Variants in CCDC91 observed in about 807,000 individuals in gnomAD.
CCDC91 encodes coiled-coil domain-containing protein 91.
CCDC91 carries 48 observed loss-of-function variants against 63.2 expected under a neutral mutation model. The ratio of observed to expected loss-of-function variants is 0.76; its 90% CI spans 0.60 to 0.97. The LOEUF (loss-of-function observed/expected upper bound fraction) is 0.97, where lower values mean the gene tolerates loss of function less well. Ranked by LOEUF, CCDC91 falls within the 50% of genes least tolerant of loss-of-function variation. The pLI is 0.00. For missense variants in CCDC91, 500 were observed against 494.6 expected (o/e 1.01, Z -0.10); for synonymous variants, 167 against 165.8 (o/e 1.01, Z -0.06).
chr12:28,340,690 C>T (rs1942350559), intron 6 of CCDC91, among the ~76,000 whole-genome samples: 1 of 152,104 alleles, frequency 6.6e-6, no homozygotes, highest in African/African-American at 2.4e-5. Context: ...TACAGATGGG[C>T]AGGTTGTGGG....
intron 3 of CCDC91, among the ~76,000 whole-genome samples, chr12:28,291,479 A>G (rs1949246184): frequency 6.6e-6 from 1 of 152,124 alleles, no homozygotes; most frequent in Non-Finnish European, 1.5e-5. Context: ...CATACTTCTC[A>G]GATGTAGTGG....
At chr12:28,330,289 CTT>C (rs534718542) in intron 6 of CCDC91, among the ~76,000 whole-genome samples, 325 of 152,218 alleles carry the variant, frequency 2.1e-3, no homozygotes, top group African/African-American at 7.6e-3. Context: ...TGTTTCCTGA[CTT>C]TTTAATGATC....
chr12:28,284,402 C>G (rs909714186), intron 3 of CCDC91, among the ~76,000 whole-genome samples: 1 of 152,024 alleles, frequency 6.6e-6, no homozygotes, highest in South Asian at 2.1e-4. Flanking sequence ...CCTGTAATCC[C>G]GGCACTTTGG....
intron 1 of CCDC91, among the ~76,000 whole-genome samples, chr12:28,202,798 T>A (rs564694602): frequency 6.6e-6 from 1 of 152,354 alleles, no homozygotes; most frequent in African/African-American, 2.4e-5. Flanking sequence ...CTTATCAAAA[T>A]CCCCTATTGA....
chr12:28,200,921 C>T (rs1942201693), intron 1 of CCDC91, among the ~76,000 whole-genome samples: 1 of 150,914 alleles, frequency 6.6e-6, no homozygotes, highest in Non-Finnish European at 1.5e-5. Flanking sequence ...CGCCACCTCC[C>T]TTCCGGACGG....
intron 12 of CCDC91, among the ~76,000 whole-genome samples, chr12:28,546,940 A>C (rs1244271310): frequency 1.3e-5 from 2 of 152,104 alleles, no homozygotes; most frequent in Non-Finnish European, 2.9e-5. Context: ...AACAACAAAA[A>C]AGTTAGAATA....
At chr12:28,195,888 T>C (rs531517010) in intron 1 of CCDC91, among the ~76,000 whole-genome samples, 150 of 152,294 alleles carry the variant, frequency 9.8e-4, no homozygotes, top group African/African-American at 3.2e-3. Flanking sequence ...GAGGATCGCT[T>C]GAGCCCAGGA....
intron 10 of CCDC91, among the ~76,000 whole-genome samples, chr12:28,451,335 A>T (rs762823245): frequency 1.3e-4 from 20 of 151,674 alleles, no homozygotes; most frequent in Non-Finnish European, 2.4e-4. Flanking sequence ...GGAAAGAAAT[A>T]GACAAATTCT....
intron 1 of CCDC91, among the ~76,000 whole-genome samples, chr12:28,210,575 T>C (rs1461171998): frequency 6.6e-6 from 1 of 152,196 alleles, no homozygotes; most frequent in Non-Finnish European, 1.5e-5. Context: ...CCTCCTGTTT[T>C]TCCCAAGGAG....
chr12:28,462,368 A>T (rs566356859), intron 11 of CCDC91, among the ~76,000 whole-genome samples: 1 of 152,220 alleles, frequency 6.6e-6, no homozygotes, highest in African/African-American at 2.4e-5. Flanking sequence ...TTCAATTTTT[A>T]TATATTATCT....
chr12:28,273,161 A>G (rs1947903864), intron 3 of CCDC91, among the ~76,000 whole-genome samples: 1 of 152,080 alleles, frequency 6.6e-6, no homozygotes, highest in Admixed American at 6.6e-5. Context: ...CCTACAAAGG[A>G]CATGAACTCA....
At chr12:28,323,127 TAACTC>T (rs1185588589) in intron 6 of CCDC91, among the ~76,000 whole-genome samples, 2 of 151,454 alleles carry the variant, frequency 1.3e-5, no homozygotes, top group Non-Finnish European at 3.0e-5. Context: ...TTTAAAAAAT[TAACTC>T]TAGTAAATTT....
intron 11 of CCDC91, among the ~76,000 whole-genome samples, chr12:28,457,791 T>C (rs748957431): frequency 1.3e-5 from 2 of 152,062 alleles, no homozygotes; most frequent in South Asian, 2.1e-4. Flanking sequence ...CCCTGGCTTA[T>C]TGATTTTCAT....
At chr12:28,200,340 T>C (rs1429494920) in intron 1 of CCDC91, among the ~76,000 whole-genome samples, 1 of 149,480 alleles carries the variant, frequency 6.7e-6, no homozygotes, top group Non-Finnish European at 1.5e-5. Flanking sequence ...AGAGGGGGAT[T>C]TGGCAGGGTC....
intron 7 of CCDC91, among the ~76,000 whole-genome samples, chr12:28,363,640 T>G (rs1350620079): frequency 1.3e-5 from 2 of 152,126 alleles, no homozygotes; most frequent in African/African-American, 4.8e-5. Flanking sequence ...TCCCAGCACT[T>G]CGGGAGGCCG....
At chr12:28,199,944 T>C (rs531117293) in intron 1 of CCDC91, among the ~76,000 whole-genome samples, 1 of 139,880 alleles carries the variant, frequency 7.1e-6, no homozygotes, top group African/African-American at 2.7e-5. Context: ...CTACTTTGAG[T>C]TTATTGAGCT....
At position 28,334,040 on chromosome 12, in the gene CCDC91, ATG is replaced by A. The variant is rs148910206; in HGVS notation, c.576+26311_576+26312del. ...ATTGAAACGACTTCTGGCAGAATTT[ATG>A]TGTGTGTGTGTGTGTGTGTATGTGT... On this transcript the variant is annotated intron_variant, in intron 6 of 12. Coordinates refer to ENST00000536442, the MANE Select transcript of CCDC91 (RefSeq NM_018318.5). Among the ~76,000 whole-genome samples the A allele has an allele frequency of 8.6e-3, 1,269 of 148,048 alleles. 22 individuals are homozygous for A. Among genetic ancestry groups the A allele is most frequent in the African/African-American group, 0.029 (1,179 of 40,628 alleles).
Position 28,290,892 on chromosome 12 carries a change from T to G in CCDC91, c.110-14757T>G, listed in dbSNP as rs576878884. On this transcript the variant is annotated intron_variant, in intron 3 of 12. Transcript: ENST00000536442. Reference sequence around the variant, plus strand: ...TAAAATGTTAAGTTTTTTGTAAATTTTAGTTTTTTATGTTTATCAAGAGGT... The same window carrying G: ...TAAAATGTTAAGTTTTTTGTAAATTGTAGTTTTTTATGTTTATCAAGAGGT... Among the ~76,000 whole-genome samples, 4 of 152,296 alleles carry G rather than the reference T, an allele frequency of 2.6e-5. No homozygotes were observed. The South Asian group carries it at 8.3e-4, about 32-fold the overall frequency.
intron 5 of CCDC91, 25 bp from the exon 6 acceptor site, chr12:28,307,620 G>C (rs756860772): frequency 3.4e-6 from 4 of 1,178,694 alleles, no homozygotes; most frequent in Non-Finnish European, 4.9e-6. Flanking sequence ...ATATTACAAA[G>C]CTTGTATTTG....
Sources: allele counts gnomAD v4.1 joint callset (sites outside exome capture counted in the v4.1 genomes callset), GRCh38; gene constraint gnomAD v4.1.1; transcripts MANE v1.5; gene names NCBI Gene and HGNC (gene_info 2026-07-23, HGNC 2026-07-21).